The following SPECC1 variants were observed in gnomAD, a reference collection of about 807,000 sequenced individuals.
The protein encoded by SPECC1 is sperm antigen with calponin homology and coiled-coil domains 1.
In SPECC1, 62 loss-of-function variants were observed where a neutral mutation model predicts 104.1. The observed-to-expected ratio is 0.60, with a 90% confidence interval of 0.49 to 0.74. The LOEUF is 0.74. Ranked by LOEUF, SPECC1 falls within the 30% of genes least tolerant of loss-of-function variation. The probability of loss-of-function intolerance (pLI) is 0.00; values close to 1 mark genes in which losing one functional copy is unlikely to be tolerated. For missense variants in SPECC1, 1,306 were observed against 1,310.5 expected, an observed-to-expected ratio of 1.00 and a Z score of 0.05; for synonymous variants, 513 against 501.6, an observed-to-expected ratio of 1.02 and a Z score of -0.30.
At chr17:20,219,089 T>C (rs1426444600) in intron 4 of SPECC1, among the ~76,000 whole-genome samples, 1 of 152,246 alleles carries the variant, frequency 6.6e-6, no homozygotes, top group Admixed American at 6.5e-5. Flanking sequence ...TTGGCTATTG[T>C]AAATAGTGCT....
chr17:20,273,009 T>C (rs1445095357), intron 12 of SPECC1, among the ~76,000 whole-genome samples: 1 of 152,156 alleles, frequency 6.6e-6, no homozygotes, highest in East Asian at 1.9e-4. Flanking sequence ...GCTGACCCCC[T>C]CCCTGGCCTG....
chr17:20,310,864 C>G (rs1362142534), intron 14 of SPECC1, among the ~76,000 whole-genome samples: 1 of 151,502 alleles, frequency 6.6e-6, no homozygotes, highest in African/African-American at 2.4e-5. Context: ...TTTTGTTTTT[C>G]ATATTTACTG....
chr17:20,072,101 C>G (rs1042197766), intron 1 of SPECC1, among the ~76,000 whole-genome samples: 1 of 152,196 alleles, frequency 6.6e-6, no homozygotes, highest in Non-Finnish European at 1.5e-5. Flanking sequence ...ACTCTCTAAT[C>G]TGGAATCTCA....
chr17:20,096,704 G>T lies in SPECC1; in HGVS notation c.53G>T (p.Gly18Val), dbSNP rs1183058556. Residue 18 changes from glycine to valine, a missense_variant, in exon 2 of 15, where the codon GGC becomes GTC. Physicochemically the swap from Gly to Val is moderately radical, Grantham distance 109 (BLOSUM62 -3). Around this residue, in one of 2 missense-constraint regions of SPECC1, gnomAD observed 1,177 missense variants for 1,139.9 expected, o/e 1.03. Coordinates refer to ENST00000395527, the MANE Select transcript of SPECC1 (RefSeq NM_001243439.2). ...WNPAIRAGGH[G>V]PDRVRPLPAA... ...CCAGCCATCAGAGCAGGGGGCCACG[G>T]CCCAGACCGGGTGCGGCCTCTGCCT... 6.2e-7 allele frequency: 1 copy of T among 1,614,234 alleles called. No homozygotes were observed. The highest frequency in any genetic ancestry group is 1.7e-5 in the Admixed American group (1 of 60,024).
intron 1 of SPECC1, among the ~76,000 whole-genome samples, chr17:20,052,749 G>A (rs1328431349): frequency 2.0e-5 from 3 of 152,170 alleles, no homozygotes; most frequent in Non-Finnish European, 4.4e-5. Context: ...TTGGGAACAG[G>A]GTAGCAGATA....
At chr17:20,172,015 T>C (rs1431963685) in intron 3 of SPECC1, among the ~76,000 whole-genome samples, 2 of 152,218 alleles carry the variant, frequency 1.3e-5, no homozygotes, top group Admixed American at 1.3e-4. Flanking sequence ...GGCACAGTCA[T>C]TTTGAGCTTC....
intron 1 of SPECC1, chr17:20,095,735 T>C (rs1425977824): frequency 1.3e-5 from 2 of 152,522 alleles, no homozygotes; most frequent in Admixed American, 1.3e-4. Flanking sequence ...GTGGGTGTTT[T>C]GTAAAGTGCA....
At chr17:20,200,929 A>T (rs2036390804) in intron 3 of SPECC1, among the ~76,000 whole-genome samples, 1 of 152,182 alleles carries the variant, frequency 6.6e-6, no homozygotes, top group African/African-American at 2.4e-5. Context: ...ATATAACAAA[A>T]ATATGGCTGG....
At chr17:20,197,913 G>A (rs1351337843) in intron 3 of SPECC1, among the ~76,000 whole-genome samples, 2 of 152,116 alleles carry the variant, frequency 1.3e-5, no homozygotes, top group Non-Finnish European at 2.9e-5. Context: ...AAACATTACA[G>A]AGGAGATAAA....
intron 1 of SPECC1, among the ~76,000 whole-genome samples, chr17:20,045,254 A>T (rs972555380): frequency 6.6e-6 from 1 of 152,034 alleles, no homozygotes; most frequent in African/African-American, 2.4e-5. Flanking sequence ...TTTTATGTCC[A>T]TCTGTGGACA....
intron 1 of SPECC1, among the ~76,000 whole-genome samples, chr17:20,077,787 G>C (rs1231888230): frequency 6.6e-6 from 1 of 152,078 alleles, no homozygotes; most frequent in African/African-American, 2.4e-5. Flanking sequence ...ATGATATGTA[G>C]AGAGAATGAG....
chr17:20,041,827 G>A (rs956308339), intron 1 of SPECC1, among the ~76,000 whole-genome samples: 2 of 151,242 alleles, frequency 1.3e-5, no homozygotes, highest in Admixed American at 1.3e-4. Flanking sequence ...GGGTTTCACC[G>A]TGTTAGCCAG....
chr17:20,231,689 C>A, intron 5 of SPECC1, 69 bp from the exon 6 acceptor site: 1 of 1,435,942 alleles, frequency 7.0e-7, no homozygotes, highest in Non-Finnish European at 9.8e-7. Flanking sequence ...CCTTTCTTTG[C>A]TACCTAGCGT....
chr17:20,231,698 G>A lies in SPECC1; in HGVS notation c.2072-60G>A, dbSNP rs369097663. On this transcript the variant is annotated intron_variant, in intron 5 of 14. Transcript: ENST00000395527. Reference sequence around the variant, plus strand: ...GCTGCCCCTTTCTTTGCTACCTAGCGTGTCTTCTCTTAAGAGTCTCACAGC... The same window carrying A: ...GCTGCCCCTTTCTTTGCTACCTAGCATGTCTTCTCTTAAGAGTCTCACAGC... The A allele has an allele frequency of 8.2e-5, 123 of 1,503,208 alleles. No homozygotes were observed. In the African/African-American group the frequency reaches 1.1e-3, roughly 13 times the overall value. The allele number at this position is 1,503,208 out of a possible 1,614,324, so 93.1% of individuals were successfully genotyped here.
At chr17:20,146,216 C>G (rs1228376899) in intron 3 of SPECC1, among the ~76,000 whole-genome samples, 3 of 152,182 alleles carry the variant, frequency 2.0e-5, no homozygotes, top group Non-Finnish European at 4.4e-5. Context: ...CCCGTTCATC[C>G]TTCCTCCTAA....
At position 20,314,644 on chromosome 17, in the gene SPECC1, AAAT is replaced by A. The variant is rs1415162235; in HGVS notation, c.*580_*582del. On this transcript the variant is annotated 3_prime_UTR_variant, in exon 15 of 15. Coordinates refer to ENST00000395527, the MANE Select transcript of SPECC1 (RefSeq NM_001243439.2). The stretch of plus-strand genomic sequence containing the variant: ...GAAAGAGCCAGACCCTGTCTCAAAA[AAAT>A]GATAAAACCCAAAACTTTGCCCTTG... 1.7e-5 allele frequency: 4 copies of A among 231,660 alleles called. No homozygotes were observed. The highest frequency in any genetic ancestry group is 8.8e-5 in the African/African-American group (4 of 45,294). 14.4% of individuals were successfully genotyped at this position (231,660 alleles called of 1,614,324 possible).
intron 7 of SPECC1, among the ~76,000 whole-genome samples, chr17:20,233,496 C>T (rs1203840126): frequency 1.3e-5 from 2 of 152,178 alleles, no homozygotes; most frequent in African/African-American, 4.8e-5. Flanking sequence ...TAGCTAGCTC[C>T]ACAATTCACT....
At chr17:20,114,062 C>T (rs1484002196) in intron 3 of SPECC1, among the ~76,000 whole-genome samples, 1 of 152,046 alleles carries the variant, frequency 6.6e-6, no homozygotes, top group African/African-American at 2.4e-5. Context: ...GAATTTTAAA[C>T]ATATATTTGA....
chr17:20,091,628 G>T (rs2047405575), intron 1 of SPECC1, among the ~76,000 whole-genome samples: 1 of 152,168 alleles, frequency 6.6e-6, no homozygotes, highest in Non-Finnish European at 1.5e-5. Flanking sequence ...TTCGACCCAT[G>T]TTCCAAAAAG....
Sources: allele counts gnomAD v4.1 joint callset (sites outside exome capture counted in the v4.1 genomes callset), GRCh38; gene constraint gnomAD v4.1.1; regional missense constraint gnomAD v4.1.1; transcripts MANE v1.5; gene names NCBI Gene and HGNC (gene_info 2026-07-23, HGNC 2026-07-21).